MED13L: variants seen among roughly 807,000 people sequenced by gnomAD.
MED13L encodes the protein mediator of RNA polymerase II transcription subunit 13-like.
Under a neutral mutation model 220.9 loss-of-function variants are expected in MED13L, and 7 were observed. That is an observed-to-expected ratio of 0.03 (90% CI 0.02 to 0.06). The LOEUF (loss-of-function observed/expected upper bound fraction) is 0.06. Ranked by LOEUF, MED13L falls within the 10% of genes least tolerant of loss-of-function variation. The pLI, the probability that MED13L is intolerant of heterozygous loss-of-function variation, is 1.00. For synonymous variants in MED13L, 1,011 were observed against 1,015.2 expected, an observed-to-expected ratio of 1.00 and a Z score of 0.08; for missense variants, 1,965 against 2,760.5, an observed-to-expected ratio of 0.71 and a Z score of 6.46.
At chr12:116,175,349 G>A (rs942004218) in intron 2 of MED13L, among the ~76,000 whole-genome samples, 5 of 151,974 alleles carry the variant, frequency 3.3e-5, no homozygotes, top group Non-Finnish European at 7.4e-5. Context: ...CTCCACAGGG[G>A]AAACATACCC....
chr12:116,046,219 T>C (rs904162162), intron 4 of MED13L, among the ~76,000 whole-genome samples: 1 of 152,190 alleles, frequency 6.6e-6, no homozygotes, highest in Non-Finnish European at 1.5e-5. Flanking sequence ...CTGAGTTTTT[T>C]ATTTTCAAAA....
intron 5 of MED13L, 133 bp from the exon 6 acceptor site, chr12:116,020,105 T>A: frequency 1.2e-6 from 1 of 844,568 alleles, no homozygotes; most frequent in Non-Finnish European, 1.8e-6. Flanking sequence ...TAACTCTATT[T>A]AAAGTATGAT....
intron 23 of MED13L, among the ~76,000 whole-genome samples, chr12:115,978,455 T>C (rs1322025189): frequency 2.0e-5 from 3 of 151,812 alleles, no homozygotes; most frequent in African/African-American, 7.3e-5. Flanking sequence ...GCTTCCCAAG[T>C]AGCTGGGATT....
At chr12:116,180,081 C>T (rs534179557) in intron 2 of MED13L, among the ~76,000 whole-genome samples, 2 of 152,258 alleles carry the variant, frequency 1.3e-5, no homozygotes, top group Non-Finnish European at 1.5e-5. Context: ...AATTAAGCTA[C>T]AAGGAAAAGG....
chr12:116,178,261 C>T (rs1394534433), intron 2 of MED13L, among the ~76,000 whole-genome samples: 1 of 152,176 alleles, frequency 6.6e-6, no homozygotes, highest in East Asian at 1.9e-4. Context: ...AGAGTACTCT[C>T]TGATACTCAA....
chr12:116,107,159 A>C (rs2137876378), intron 3 of MED13L, among the ~76,000 whole-genome samples: 1 of 152,322 alleles, frequency 6.6e-6, no homozygotes, highest in Non-Finnish European at 1.5e-5. Context: ...CTCTGAAGGA[A>C]GTGAAGAAAA....
At chr12:116,137,709 G>A (rs1565895386) in intron 2 of MED13L, among the ~76,000 whole-genome samples, 1 of 152,032 alleles carries the variant, frequency 6.6e-6, no homozygotes, top group East Asian at 1.9e-4. Context: ...TGCACCCAGC[G>A]TTATTTTGCC....
intron 22 of MED13L, 61 bp from the exon 23 acceptor site, chr12:115,980,999 C>T: frequency 7.1e-7 from 1 of 1,414,480 alleles, no homozygotes; most frequent in East Asian, 2.3e-5. Flanking sequence ...AGATCTAACA[C>T]ACTAACAAGC....
At chr12:116,124,600 AC>A (rs1312246093) in intron 2 of MED13L, among the ~76,000 whole-genome samples, 2 of 152,196 alleles carry the variant, frequency 1.3e-5, no homozygotes, top group Non-Finnish European at 2.9e-5. Context: ...TTTCTACTAT[AC>A]CACAGTTTAT....
chr12:116,252,493 T>C (rs1453271440), intron 1 of MED13L, among the ~76,000 whole-genome samples: 1 of 152,056 alleles, frequency 6.6e-6, no homozygotes, highest in Non-Finnish European at 1.5e-5. Context: ...GAGCTGTGAT[T>C]GCTCCACTGC....
At chr12:116,239,636 T>C (rs1218033047) in intron 1 of MED13L, among the ~76,000 whole-genome samples, 1 of 152,248 alleles carries the variant, frequency 6.6e-6, no homozygotes, top group Non-Finnish European at 1.5e-5. Context: ...TATAATTGGT[T>C]AACATCCTTG....
intron 2 of MED13L, among the ~76,000 whole-genome samples, chr12:116,139,632 T>C (rs1209936261): frequency 6.6e-6 from 1 of 152,234 alleles, no homozygotes; most frequent in Non-Finnish European, 1.5e-5. Flanking sequence ...ATATGTCGTT[T>C]ATCTCTTTTG....
At chr12:116,095,052 C>T (rs1256554107) in intron 4 of MED13L, among the ~76,000 whole-genome samples, 4 of 152,046 alleles carry the variant, frequency 2.6e-5, no homozygotes, top group African/African-American at 9.7e-5. Context: ...GTCCCAGCTA[C>T]TTGGGAGGCT....
At chr12:116,138,745 T>A (rs917953912) in intron 2 of MED13L, among the ~76,000 whole-genome samples, 1 of 152,230 alleles carries the variant, frequency 6.6e-6, no homozygotes, top group African/African-American at 2.4e-5. Flanking sequence ...GACAGTGAAA[T>A]GTGTGAACAC....
chr12:116,083,329 G>A (rs1454384319), intron 4 of MED13L, among the ~76,000 whole-genome samples: 13 of 149,628 alleles, frequency 8.7e-5, no homozygotes, highest in African/African-American at 1.2e-4. Context: ...ACTTGAACCC[G>A]GCATGGAGGC....
intron 2 of MED13L, among the ~76,000 whole-genome samples, chr12:116,216,888 A>G (rs749525585): frequency 3.2e-4 from 49 of 152,344 alleles, no homozygotes; most frequent in South Asian, 1.9e-3. Context: ...AGAAAATCCC[A>G]TATCAATGTA....
chr12:116,084,774 CA>C (rs569655073), intron 4 of MED13L, among the ~76,000 whole-genome samples: 3,296 of 88,852 alleles, frequency 0.037, 49 homozygotes, highest in Middle Eastern at 0.11. Context: ...ACCCTGTCGC[CA>C]AAAAAAAAAA....
intron 1 of MED13L, among the ~76,000 whole-genome samples, chr12:116,255,941 C>A (rs984498538): frequency 6.6e-6 from 1 of 152,128 alleles, no homozygotes; most frequent in Non-Finnish European, 1.5e-5. Flanking sequence ...CAGTATAATG[C>A]AAATATGCCC....
At chr12:116,228,602 G>A (rs1869240065) in intron 2 of MED13L, among the ~76,000 whole-genome samples, 1 of 152,048 alleles carries the variant, frequency 6.6e-6, no homozygotes, top group African/African-American at 2.4e-5. Context: ...TTATTTTAGG[G>A]AATTTTTATT....
Sources: gnomAD v4.1 joint callset for allele counts (sites outside exome capture counted in the v4.1 genomes callset) on GRCh38, gnomAD v4.1.1 for gene constraint, MANE v1.5 for transcripts, NCBI Gene and HGNC (gene_info 2026-07-23, HGNC 2026-07-21) for gene names.